The following RYR3 variants were observed in gnomAD, a reference collection of about 807,000 sequenced individuals.
RYR3 encodes the protein brain ryanodine receptor-calcium release channel.
Under a neutral mutation model 584.3 loss-of-function variants are expected in RYR3, and 207 were observed. The ratio of observed to expected loss-of-function variants is 0.35; its 90% CI spans 0.32 to 0.40. RYR3 has a LOEUF of 0.40. Among genes scored for constraint, RYR3 ranks in the 10% least tolerant of loss-of-function variants. The probability of loss-of-function intolerance (pLI) is 1.00; values close to 1 mark genes in which losing one functional copy is unlikely to be tolerated. For synonymous variants in RYR3, 2,416 were observed against 2,248.5 expected, an observed-to-expected ratio of 1.07 and a Z score of -2.11; for missense variants, 5,616 against 6,089.2, an observed-to-expected ratio of 0.92 and a Z score of 2.59.
intron 2 of RYR3, among the ~76,000 whole-genome samples, chr15:33,482,714 C>G (rs2050086369): frequency 6.6e-6 from 1 of 152,170 alleles, no homozygotes; most frequent in South Asian, 2.1e-4. Flanking sequence ...TCACTGTGCC[C>G]AGTCAGGTTT....
intron 43 of RYR3, among the ~76,000 whole-genome samples, chr15:33,712,558 GA>G (rs1468180004): frequency 6.6e-6 from 1 of 152,132 alleles, no homozygotes; most frequent in Non-Finnish European, 1.5e-5. Context: ...TTGTAGGATA[GA>G]AATCAATCAA....
At chr15:33,795,649 C>T (rs2075568144) in intron 67 of RYR3, among the ~76,000 whole-genome samples, 1 of 152,032 alleles carries the variant, frequency 6.6e-6, no homozygotes, top group Admixed American at 6.5e-5. Context: ...CCACCTTGGC[C>T]TCCCAAAGTG....
chr15:33,409,310 A>G (rs2043233898), intron 1 of RYR3, among the ~76,000 whole-genome samples: 2 of 151,908 alleles, frequency 1.3e-5, no homozygotes, highest in Admixed American at 6.6e-5. Context: ...GTAAAAAACA[A>G]ATCACTGATC....
At position 33,644,465 on chromosome 15, in the gene RYR3, C is replaced by T; in HGVS notation, c.3711C>T (p.Phe1237=). ...VNMNRDVAMW[F]SKRLPTFVNV... ...TGAACAGAGATGTTGCTATGTGGTT[C>T]AGCAAGCGCCTCCCGACGTTTGTCA... Residue 1237 remains phenylalanine, a synonymous_variant, in exon 28 of 104, where the codon TTC becomes TTT. Coordinates refer to ENST00000634891, the MANE Select transcript of RYR3 (RefSeq NM_001036.6). The T allele has an allele frequency of 6.2e-7, 1 of 1,613,964 alleles. No homozygotes were observed. The highest frequency in any genetic ancestry group is 8.5e-7 in the Non-Finnish European group (1 of 1,179,850).
chr15:33,835,317 C>T (rs80162115), intron 87 of RYR3, among the ~76,000 whole-genome samples: 2 of 152,278 alleles, frequency 1.3e-5, no homozygotes, highest in South Asian at 2.1e-4. Flanking sequence ...CCAACCTACC[C>T]TTATTATTGC....
At chr15:33,638,761 A>G (rs533476506) in intron 27 of RYR3, among the ~76,000 whole-genome samples, 42 of 152,356 alleles carry the variant, frequency 2.8e-4, no homozygotes, top group African/African-American at 9.9e-4. Flanking sequence ...GCAGTAAGTT[A>G]TCAATGACAA....
At chr15:33,644,886 C>T (rs1336668061) in intron 28 of RYR3, among the ~76,000 whole-genome samples, 3 of 151,808 alleles carry the variant, frequency 2.0e-5, no homozygotes, top group Non-Finnish European at 4.4e-5. Context: ...GTGGCTCACA[C>T]GTGTAATCCC....
intron 5 of RYR3, chr15:33,539,094 C>T (rs2117574): frequency 0.81 from 227,002 of 279,556 alleles, 93,125 homozygotes; most frequent in Middle Eastern, 0.94. Context: ...ACTCAAAGGC[C>T]GCTATAGTTT....
chr15:33,668,175 G>A (rs2063597927), intron 36 of RYR3, among the ~76,000 whole-genome samples: 3 of 151,332 alleles, frequency 2.0e-5, no homozygotes. Flanking sequence ...AAATCAGCCG[G>A]GCGTGTTGGC....
chr15:33,456,796 A>C (rs927232407), intron 1 of RYR3, among the ~76,000 whole-genome samples: 6 of 152,208 alleles, frequency 3.9e-5, no homozygotes, highest in African/African-American at 1.4e-4. Flanking sequence ...ATCAGAAATC[A>C]TCAGAGCAAC....
chr15:33,754,852 T>C (rs72715125), intron 57 of RYR3, among the ~76,000 whole-genome samples: 27,176 of 152,222 alleles, frequency 0.18, 2,473 homozygotes, highest in South Asian at 0.26. Flanking sequence ...TCAGTACTCA[T>C]TGTATGAATG....
At chr15:33,774,024 C>T (rs2073820328) in intron 64 of RYR3, among the ~76,000 whole-genome samples, 1 of 152,198 alleles carries the variant, frequency 6.6e-6, no homozygotes, top group Admixed American at 6.5e-5. Flanking sequence ...TTTCTGTGTG[C>T]TACAACCCTG....
chr15:33,454,314 T>C (rs1422502092), intron 1 of RYR3, among the ~76,000 whole-genome samples: 2 of 152,204 alleles, frequency 1.3e-5, no homozygotes, highest in Non-Finnish European at 2.9e-5. Flanking sequence ...CTGACTGTTA[T>C]CCCACTGCAG....
chr15:33,345,552 G>A (rs1045393633), intron 1 of RYR3, among the ~76,000 whole-genome samples: 1 of 152,092 alleles, frequency 6.6e-6, no homozygotes, highest in African/African-American at 2.4e-5. Flanking sequence ...CTGCACAGGA[G>A]TAACAGTGTT....
chr15:33,830,875 A>G (rs747517515), intron 85 of RYR3, 88 bp from the exon 86 acceptor site: 44 of 1,377,300 alleles, frequency 3.2e-5, no homozygotes, highest in Non-Finnish European at 4.3e-5. Flanking sequence ...ATAGAGATGC[A>G]GGATTATCAT....
chr15:33,351,822 TG>T (rs1401152118), intron 1 of RYR3, among the ~76,000 whole-genome samples: 1 of 150,622 alleles, frequency 6.6e-6, no homozygotes, highest in Non-Finnish European at 1.5e-5. Flanking sequence ...GGGCAAAAAC[TG>T]GAAGCATTCC....
Position 33,592,544 on chromosome 15 carries a change from C to T in RYR3, c.1788+6428C>T, listed in dbSNP as rs752479456. 3.9e-5 allele frequency among the ~76,000 whole-genome samples: 6 copies of T among 152,180 alleles called. No homozygotes were observed. In the South Asian group the frequency reaches 8.3e-4, roughly 21 times the overall value. ...CCCACTCCTGGGGGCCACCCACTTC[C>T]GATTGGCCAGAATTTAGTCCCCTAT... On this transcript the variant is annotated intron_variant, in intron 16 of 103. Coordinates refer to ENST00000634891, the MANE Select transcript of RYR3 (RefSeq NM_001036.6).
chr15:33,456,844 A>C (rs544472489), intron 1 of RYR3, among the ~76,000 whole-genome samples: 1 of 152,194 alleles, frequency 6.6e-6, no homozygotes, highest in Non-Finnish European at 1.5e-5. Context: ...GGGCCATTCT[A>C]TATCATTAAT....
intron 8 of RYR3, among the ~76,000 whole-genome samples, chr15:33,546,092 G>C (rs2056216970): frequency 6.6e-6 from 1 of 152,154 alleles, no homozygotes; most frequent in Non-Finnish European, 1.5e-5. Flanking sequence ...TTGTTTTAGA[G>C]AACAAGAACA....
Sources: allele counts gnomAD v4.1 joint callset (sites outside exome capture counted in the v4.1 genomes callset), GRCh38; gene constraint gnomAD v4.1.1; transcripts MANE v1.5; gene names NCBI Gene and HGNC (gene_info 2026-07-23, HGNC 2026-07-21).